Variants in ANK2 observed in about 807,000 individuals in gnomAD.
ANK2 encodes the protein ankyrin-2.
A neutral mutation model predicts 360.5 loss-of-function variants in ANK2; 83 were observed. The ratio of observed to expected loss-of-function variants is 0.23; its 90% confidence interval spans 0.19 to 0.28. The LOEUF (loss-of-function observed/expected upper bound fraction) is 0.28. Among genes scored for constraint, ANK2 ranks in the 10% least tolerant of loss-of-function variants. The pLI is 1.00. For missense variants in ANK2, 4,201 were observed against 4,795.7 expected, an observed-to-expected ratio of 0.88 and a Z score of 3.66; for synonymous variants, 1,740 against 1,759.5, an observed-to-expected ratio of 0.99 and a Z score of 0.28.
intron 18 of ANK2, among the ~76,000 whole-genome samples, chr4:113,286,985 G>C (rs1405108333): frequency 6.6e-6 from 1 of 151,932 alleles, no homozygotes; most frequent in East Asian, 1.9e-4. Flanking sequence ...TACCTTAATT[G>C]GATATTCAAA....
At chr4:113,306,324 A>G (rs1337484293) in intron 23 of ANK2, among the ~76,000 whole-genome samples, 1 of 152,170 alleles carries the variant, frequency 6.6e-6, no homozygotes, top group Non-Finnish European at 1.5e-5. Context: ...TTAGATAAGG[A>G]ACAGTATGGG....
chr4:113,271,305 G>A (rs1329994597), intron 14 of ANK2, among the ~76,000 whole-genome samples: 1 of 152,204 alleles, frequency 6.6e-6, no homozygotes, highest in Non-Finnish European at 1.5e-5. Flanking sequence ...GGTGGGATAA[G>A]AAGACCAGCA....
chr4:113,253,744 C>T (rs2047743742), intron 10 of ANK2, among the ~76,000 whole-genome samples: 2 of 152,296 alleles, frequency 1.3e-5, no homozygotes, highest in South Asian at 4.1e-4. Context: ...ACCATCAACC[C>T]TACCTGGAGG....
At chr4:112,984,147 C>A (rs1578344848) in intron 2 of ANK2, among the ~76,000 whole-genome samples, 1 of 152,142 alleles carries the variant, frequency 6.6e-6, no homozygotes, top group East Asian at 1.9e-4. Flanking sequence ...TTATAAAAAT[C>A]TATTTATTTA....
At position 112,972,808 on chromosome 4, in the gene ANK2, G is replaced by GTA. The variant is rs1370038267; in HGVS notation, c.21+68303_21+68304dup. Among the ~76,000 whole-genome samples the GTA allele has an allele frequency of 5.3e-5, 8 of 152,052 alleles. No homozygotes were observed. In the East Asian group the frequency reaches 5.8e-4, roughly 11 times the overall value. On this transcript the variant is annotated intron_variant, in intron 2 of 30. Coordinates refer to the ANK2 transcript ENST00000503271. ...CCAACGAGTGGATAAAGAAAACATG[G>GTA]TATATATATACCATGGAATACTACT...
At chr4:112,972,649 A>G (rs1222141759) in intron 2 of ANK2, among the ~76,000 whole-genome samples, 2 of 152,168 alleles carry the variant, frequency 1.3e-5, no homozygotes, top group African/African-American at 4.8e-5. Flanking sequence ...ACACCCTTCC[A>G]CAAATATAAT....
chr4:113,093,868 T>C (rs1322710979), intron 1 of ANK2, among the ~76,000 whole-genome samples: 32 of 152,240 alleles, frequency 2.1e-4, no homozygotes. Context: ...TTCCCTTTTA[T>C]GTTAGTAGAG....
At chr4:113,086,344 C>T (rs2084753650) in intron 1 of ANK2, among the ~76,000 whole-genome samples, 1 of 152,200 alleles carries the variant, frequency 6.6e-6, no homozygotes, top group Non-Finnish European at 1.5e-5. Flanking sequence ...AGAGGTTTGA[C>T]TCCCATATTA....
In ANK2 at chr4:113,355,574, C is replaced by G; in HGVS notation, c.6956C>G (p.Thr2319Arg). The G allele has an allele frequency of 6.2e-7, 1 of 1,614,106 alleles. No individual in the cohort carries two copies. Among genetic ancestry groups the G allele is most frequent in the Non-Finnish European group, 8.5e-7 (1 of 1,179,984 alleles). ...KEATLGSPKD[T>R]SPKRQDDCTG... ...GCCACTCTAGGCTCTCCCAAAGACACAAGCCCTAAAAGACAAGATGATTGC... is the reference window on the plus strand; with the variant it reads ...GCCACTCTAGGCTCTCCCAAAGACAGAAGCCCTAAAAGACAAGATGATTGC... The change falls in exon 38 of 46, where the codon ACA (threonine) becomes AGA (arginine). Residue 2319 changes from threonine (T) to arginine (R), a missense_variant. Thr to Arg is a moderately conservative substitution (Grantham distance 71, BLOSUM62 -1). Coordinates refer to ENST00000357077, the MANE Select transcript of ANK2 (RefSeq NM_001148.6).
intron 1 of ANK2, among the ~76,000 whole-genome samples, chr4:112,838,415 C>A (rs915869463): frequency 2.0e-5 from 3 of 152,202 alleles, no homozygotes; most frequent in African/African-American, 7.2e-5. Context: ...CTGGGAAATG[C>A]CTGCTTTTCA....
intron 2 of ANK2, among the ~76,000 whole-genome samples, chr4:113,013,947 A>AG (rs1323827395): frequency 1.3e-5 from 2 of 151,932 alleles, no homozygotes; most frequent in African/African-American, 2.4e-5. Context: ...CTTTTGAGTG[A>AG]GGGAAAAAAG....
At chr4:112,812,795 C>G in the ANK2 span, among the ~76,000 whole-genome samples, 2 of 152,134 alleles carry the variant, frequency 1.3e-5, no homozygotes, top group African/African-American at 4.8e-5. Context: ...TCCTTTGACA[C>G]GACCCTACTT....
At chr4:112,712,891 A>G in the ANK2 span, among the ~76,000 whole-genome samples, 1 of 152,184 alleles carries the variant, frequency 6.6e-6, no homozygotes, top group African/African-American at 2.4e-5. Flanking sequence ...TTCACTTTTT[A>G]TATAGTTTAA....
the ANK2 span, among the ~76,000 whole-genome samples, chr4:112,779,332 C>T: frequency 1.3e-5 from 2 of 152,238 alleles, 1 homozygote; most frequent in East Asian, 3.9e-4. Flanking sequence ...TCGTGGCTAA[C>T]ACGGTGAAAC....
intron 1 of ANK2, among the ~76,000 whole-genome samples, chr4:113,132,837 A>T (rs960402646): frequency 1.3e-5 from 2 of 152,156 alleles, no homozygotes; most frequent in Non-Finnish European, 2.9e-5. Flanking sequence ...GGGGCTGATC[A>T]TTTGTTCTTG....
intron 1 of ANK2, among the ~76,000 whole-genome samples, chr4:113,167,771 G>T (rs2097798962): frequency 6.6e-6 from 1 of 152,076 alleles, no homozygotes; most frequent in Non-Finnish European, 1.5e-5. Flanking sequence ...GCCCCTTTCT[G>T]ATTGTTTCCG....
rs184400954 is a variant in ANK2 at position 113,153,650 on chromosome 4, G to T, written c.85-20766G>T. Among the ~76,000 whole-genome samples the T allele has an allele frequency of 1.2e-3, 177 of 152,218 alleles. 1 individual carries two copies. The highest frequency in any genetic ancestry group is 4.1e-3 in the African/African-American group (170 of 41,552). On this transcript the variant is annotated intron_variant, in intron 1 of 45. Coordinates refer to ENST00000357077, the MANE Select transcript of ANK2 (RefSeq NM_001148.6). The stretch of plus-strand genomic sequence containing the variant: ...TTTGACAGACTAGATGATTAATGAT[G>T]ACATAGGATAAACTGTATTTGGGAT...
intron 19 of ANK2, 32 bp from the exon 20 acceptor site, chr4:113,288,356 A>G (rs751992073): frequency 1.1e-5 from 17 of 1,569,218 alleles, no homozygotes; most frequent in Non-Finnish European, 1.2e-5. Context: ...TTTCTACTTT[A>G]TCTATTTTTA....
intron 1 of ANK2, among the ~76,000 whole-genome samples, chr4:112,864,568 C>T (rs1420424805): frequency 6.6e-6 from 1 of 151,984 alleles, no homozygotes; most frequent in Non-Finnish European, 1.5e-5. Context: ...CCCCGGCCTC[C>T]CAAAGTGCTG....
Sources: allele counts gnomAD v4.1 joint callset (sites outside exome capture counted in the v4.1 genomes callset), GRCh38; gene constraint gnomAD v4.1.1; transcripts MANE v1.5; gene names NCBI Gene and HGNC (gene_info 2026-07-23, HGNC 2026-07-21).